Variants in PDE4D observed in about 807,000 individuals in gnomAD.
The protein encoded by PDE4D is phosphodiesterase 4D, also known as 3',5'-cyclic-AMP phosphodiesterase 4D.
PDE4D carries 24 observed loss-of-function variants against 87.4 expected under a neutral mutation model. The ratio of observed to expected loss-of-function variants is 0.27; its 90% CI spans 0.20 to 0.39. PDE4D has a LOEUF of 0.39. Among genes scored for constraint, PDE4D ranks in the 10% least tolerant of loss-of-function variants. The pLI, the probability that PDE4D is intolerant of heterozygous loss-of-function variation, is 1.00. For synonymous variants in PDE4D, 384 were observed against 383.2 expected (o/e 1.00, Z -0.02); for missense variants, 714 against 1,041.0 (o/e 0.69, Z 4.32).
chr5:60,214,907 C>T (rs1388925751), intron 1 of PDE4D, among the ~76,000 whole-genome samples: 1 of 152,166 alleles, frequency 6.6e-6, no homozygotes, highest in African/African-American at 2.4e-5. Context: ...TGAAATGTAA[C>T]AGGTGAAGAA....
chr5:59,372,830 C>T (rs1784143522), intron 1 of PDE4D, among the ~76,000 whole-genome samples: 1 of 152,122 alleles, frequency 6.6e-6, no homozygotes, highest in South Asian at 2.1e-4. Context: ...GAGTGGATTC[C>T]AAAACTTGAA....
At chr5:60,339,598 T>C (rs1398963519) in intron 1 of PDE4D, among the ~76,000 whole-genome samples, 1 of 152,194 alleles carries the variant, frequency 6.6e-6, no homozygotes, top group Non-Finnish European at 1.5e-5. Flanking sequence ...TCCGGTAATA[T>C]GGCCTGTCTG....
chr5:59,763,733 T>C (rs1397009870), intron 1 of PDE4D, among the ~76,000 whole-genome samples: 6 of 152,192 alleles, frequency 3.9e-5, no homozygotes, highest in Non-Finnish European at 8.8e-5. Context: ...CCAGATGAAA[T>C]CTGAATCATG....
intron 1 of PDE4D, among the ~76,000 whole-genome samples, chr5:60,212,708 T>C (rs1051121646): frequency 2.0e-4 from 30 of 152,218 alleles, no homozygotes; most frequent in African/African-American, 7.2e-4. Flanking sequence ...CTGTCCCCAC[T>C]GCACTTAAAG....
chr5:60,513,831 T>G (rs7723069), intron 1 of PDE4D, among the ~76,000 whole-genome samples: 13,432 of 151,662 alleles, frequency 0.089, 1,696 homozygotes, highest in African/African-American at 0.28. Context: ...AATCCAGCCT[T>G]TGAGGGAGAT....
At chr5:59,271,887 C>T (rs1322277031) in intron 1 of PDE4D, among the ~76,000 whole-genome samples, 2 of 151,480 alleles carry the variant, frequency 1.3e-5, no homozygotes, top group Non-Finnish European at 2.9e-5. Context: ...AAAAGAGAGG[C>T]AGTCCCCCTT....
At chr5:59,403,405 C>T (rs1791049963) in intron 1 of PDE4D, among the ~76,000 whole-genome samples, 2 of 152,138 alleles carry the variant, frequency 1.3e-5, no homozygotes. Context: ...TTTGTTCTAT[C>T]TAATTATATT....
chr5:59,420,732 G>T (rs912991089), intron 1 of PDE4D, among the ~76,000 whole-genome samples: 1 of 149,592 alleles, frequency 6.7e-6, no homozygotes, highest in Non-Finnish European at 1.5e-5. Context: ...GAAACTTGAA[G>T]AGAACAAAGA....
chr5:59,440,777 G>T (rs1797496428), intron 1 of PDE4D, among the ~76,000 whole-genome samples: 1 of 149,826 alleles, frequency 6.7e-6, no homozygotes, highest in African/African-American at 2.5e-5. Flanking sequence ...ACTCCATCTT[G>T]AAAAAAAAAA....
chr5:59,509,001 G>A (rs1809793014), intron 1 of PDE4D, among the ~76,000 whole-genome samples: 1 of 151,904 alleles, frequency 6.6e-6, no homozygotes, highest in African/African-American at 2.4e-5. Flanking sequence ...TGGCAACGAG[G>A]CAATATTTGA....
At chr5:59,640,872 A>G (rs1423316404) in intron 1 of PDE4D, among the ~76,000 whole-genome samples, 2 of 152,242 alleles carry the variant, frequency 1.3e-5, no homozygotes, top group African/African-American at 4.8e-5. Context: ...AATTTATCAT[A>G]ATGCCATTAT....
intron 2 of PDE4D, among the ~76,000 whole-genome samples, chr5:60,066,278 G>A (rs1453596316): frequency 6.6e-6 from 1 of 151,716 alleles, no homozygotes; most frequent in Non-Finnish European, 1.5e-5. Context: ...TTTTTGATGG[G>A]GTTGTTTGTT....
At chr5:59,296,687 T>C (rs1769161763) in intron 1 of PDE4D, among the ~76,000 whole-genome samples, 1 of 152,070 alleles carries the variant, frequency 6.6e-6, no homozygotes. Flanking sequence ...CACATCCAAG[T>C]CTCTTGGACC....
At chr5:59,615,395 T>C in intron 1 of PDE4D, among the ~76,000 whole-genome samples, 1 of 152,194 alleles carries the variant, frequency 6.6e-6, no homozygotes, top group East Asian at 1.9e-4. Flanking sequence ...AGCCATTCAA[T>C]ATCTCCCTAT....
chr5:59,616,696 G>C (rs1442966467), intron 1 of PDE4D, among the ~76,000 whole-genome samples: 1 of 151,582 alleles, frequency 6.6e-6, no homozygotes, highest in East Asian at 1.9e-4. Flanking sequence ...AGATAATCTA[G>C]AATTTTGTAC....
At chr5:59,239,841 C>T (rs763808766) in intron 1 of PDE4D, among the ~76,000 whole-genome samples, 2 of 152,148 alleles carry the variant, frequency 1.3e-5, no homozygotes, top group Admixed American at 6.5e-5. Flanking sequence ...CCTCTCTGAG[C>T]CTGCAACACT....
At chr5:59,955,893 T>C (rs530463295) in intron 3 of PDE4D, among the ~76,000 whole-genome samples, 19 of 152,176 alleles carry the variant, frequency 1.2e-4, no homozygotes, top group Admixed American at 3.9e-4. Flanking sequence ...TTAAAGGGAA[T>C]AATTAAACGG....
chr5:59,489,215 A>G (rs1269435488), intron 1 of PDE4D, among the ~76,000 whole-genome samples: 1 of 151,678 alleles, frequency 6.6e-6, no homozygotes, highest in Non-Finnish European at 1.5e-5. Context: ...CAGTGAGCCA[A>G]GATCACACCA....
At chr5:59,809,867 A>G (rs968208580) in intron 1 of PDE4D, among the ~76,000 whole-genome samples, 2 of 152,192 alleles carry the variant, frequency 1.3e-5, no homozygotes, top group African/African-American at 4.8e-5. Flanking sequence ...CCTTTCATCT[A>G]GGGCCCGGGG....
Sources: gnomAD v4.1 joint callset for allele counts (sites outside exome capture counted in the v4.1 genomes callset) on GRCh38, gnomAD v4.1.1 for gene constraint, MANE v1.5 for transcripts, NCBI Gene and HGNC (gene_info 2026-07-23, HGNC 2026-07-21) for gene names.